PPARGC1B: variants seen among roughly 807,000 people sequenced by gnomAD.
PPARGC1B encodes the protein peroxisome proliferator-activated receptor gamma coactivator 1-beta.
In PPARGC1B, 34 loss-of-function variants were observed where a neutral mutation model predicts 101.6. The observed-to-expected ratio is 0.33, with a 90% CI of 0.25 to 0.45. PPARGC1B has a LOEUF of 0.45. PPARGC1B is among the 20% of genes least tolerant of loss of function. PPARGC1B has a pLI of 1.00. For synonymous variants in PPARGC1B, 548 were observed against 539.3 expected, an observed-to-expected ratio of 1.02 and a Z score of -0.22; for missense variants, 1,234 against 1,317.6, an observed-to-expected ratio of 0.94 and a Z score of 0.98.
rs1173394041 is a variant in PPARGC1B at position 149,854,049 on chromosome 5, C to G, written c.*6491C>G. 6.6e-5 allele frequency: 10 copies of G among 152,202 alleles called. No individual in the cohort carries two copies. The highest frequency in any genetic ancestry group is 2.2e-4 in the African/African-American group (9 of 41,452). 9.4% of individuals were successfully genotyped at this position (152,202 alleles called of 1,614,324 possible). A position where few individuals can be genotyped will look rare whatever the true frequency, so the allele number is the denominator to read the frequency against. ...TCTAAAGAAGGTGTCTGTAGCCAGC[C>G]TTAATCAACTGGGCAAGGTGGTCCC... On this transcript the variant is annotated 3_prime_UTR_variant, in exon 12 of 12. Transcript: ENST00000309241.
chr5:149,822,117 C>T (rs1026497156), intron 2 of PPARGC1B, among the ~76,000 whole-genome samples: 1 of 152,152 alleles, frequency 6.6e-6, no homozygotes, highest in African/African-American at 2.4e-5. Context: ...AATTCCTTTG[C>T]TATATTGTTC....
intron 4 of PPARGC1B, among the ~76,000 whole-genome samples, 156 bp downstream of exon 4, chr5:149,831,039 A>G (rs916172261): frequency 5.9e-5 from 9 of 152,046 alleles, no homozygotes; most frequent in African/African-American, 2.2e-4. Context: ...GCTTCTGGAG[A>G]TCCAGCCTAG....
Position 149,841,371 on chromosome 5 carries a change from CT to C in PPARGC1B, c.2695-883del, listed in dbSNP as rs1306603237. Among the ~76,000 whole-genome samples, 15 of 152,240 alleles carry C rather than the reference CT, an allele frequency of 9.9e-5. No homozygotes were observed. In the East Asian group the frequency reaches 2.7e-3, roughly 27 times the overall value. Reference sequence around the variant, plus strand: ...GAGGGGATTTCTCTGTTGAGCTGAGCTTGGACATCGTATGTTGTGGGATGTA... The same window carrying C: ...GAGGGGATTTCTCTGTTGAGCTGAGCTGGACATCGTATGTTGTGGGATGTA... On this transcript the variant is annotated intron_variant, in intron 9 of 11. Coordinates refer to ENST00000309241, the MANE Select transcript of PPARGC1B (RefSeq NM_133263.4).
intron 1 of PPARGC1B, among the ~76,000 whole-genome samples, chr5:149,753,275 C>T (rs1465594643): frequency 3.9e-5 from 6 of 152,062 alleles, no homozygotes; most frequent in Middle Eastern, 3.2e-3. Context: ...GGCGTGATCT[C>T]GGCTCACAGC....
At position 149,852,381 on chromosome 5, in the gene PPARGC1B, C is replaced by T. The variant is rs1759799402; in HGVS notation, c.*4823C>T. 6.6e-6 allele frequency: 1 copy of T among 152,172 alleles called. No homozygotes were observed. The highest frequency in any genetic ancestry group is 6.5e-5 in the Admixed American group (1 of 15,288). The allele number at this position is 152,172 out of a possible 1,614,324, so 9.4% of individuals were successfully genotyped here. On this transcript the variant is annotated 3_prime_UTR_variant, in exon 12 of 12. Coordinates refer to ENST00000309241, the MANE Select transcript of PPARGC1B (RefSeq NM_133263.4). ...TCCCCAACCAGGAGCATTGGGAATC[C>T]ATCACTCCTCCTTGAAACTGATTCC...
intron 1 of PPARGC1B, among the ~76,000 whole-genome samples, chr5:149,805,659 C>T (rs555544835): frequency 5.9e-4 from 90 of 152,256 alleles, no homozygotes; most frequent in African/African-American, 1.5e-3. Context: ...AGGCTGGTCT[C>T]GAACTCCTGA....
At chr5:149,783,316 A>G (rs770608352) in intron 1 of PPARGC1B, among the ~76,000 whole-genome samples, 10 of 152,334 alleles carry the variant, frequency 6.6e-5, no homozygotes, top group Non-Finnish European at 1.2e-4. Context: ...TATCAGAGTA[A>G]AGGGGATCAA....
intron 1 of PPARGC1B, among the ~76,000 whole-genome samples, chr5:149,742,872 A>AG (rs1191297075): frequency 1.3e-5 from 2 of 152,186 alleles, no homozygotes; most frequent in Non-Finnish European, 2.9e-5. Context: ...ATGGTGTAAC[A>AG]GGAGGCATCT....
rs1190005097 is a variant in PPARGC1B at position 149,832,642 on chromosome 5, C to T, written c.583-14C>T. The T allele has an allele frequency of 5.9e-6, 9 of 1,519,520 alleles. No homozygotes were observed. Among genetic ancestry groups the T allele is most frequent in the Admixed American group, 2.1e-5 (1 of 47,630 alleles). 94.1% of individuals were successfully genotyped at this position (1,519,520 alleles called of 1,614,324 possible). The stretch of plus-strand genomic sequence containing the variant: ...TGGGCCTCCTTCCTCACTCTGGCCT[C>T]TCTCCCTCTCTAGGCGGACAGCACC... On this transcript the variant is annotated splice_polypyrimidine_tract_variant and intron_variant, in intron 4 of 11. Transcript: ENST00000309241. The surrounding 1 kb of genome is among the most constrained non-coding windows in gnomAD (Gnocchi z 4.9).
intron 3 of PPARGC1B, among the ~76,000 whole-genome samples, chr5:149,830,034 AAAAAAAAAAAAAAAAAAAAAG>A (rs1758695149): frequency 3.9e-5 from 4 of 101,664 alleles, no homozygotes; most frequent in Admixed American, 3.1e-4. Context: ...GCATCTCAAA[AAAAAAAAAAAAAAAAAAAAAG>A]AAAAAAAAAA....
chr5:149,829,907 C>T (rs1001106793), intron 3 of PPARGC1B, among the ~76,000 whole-genome samples: 11 of 151,498 alleles, frequency 7.3e-5, no homozygotes, highest in African/African-American at 1.5e-4. Context: ...TGGTGGCAGA[C>T]GCCTGTAATC....
At chr5:149,822,828 G>A (rs1758358117) in intron 2 of PPARGC1B, among the ~76,000 whole-genome samples, 1 of 152,166 alleles carries the variant, frequency 6.6e-6, no homozygotes, top group Admixed American at 6.5e-5. Flanking sequence ...TGATTAAACT[G>A]ACCCATTCCA....
At chr5:149,831,503 A>G (rs1758782571) in intron 4 of PPARGC1B, among the ~76,000 whole-genome samples, 1 of 152,212 alleles carries the variant, frequency 6.6e-6, no homozygotes, top group South Asian at 2.1e-4. Flanking sequence ...ACAGCAGCTC[A>G]GTGTAGGAGC....
At chr5:149,761,579 G>A (rs1168910487) in intron 1 of PPARGC1B, 1 of 152,160 alleles carries the variant, frequency 6.6e-6, no homozygotes, top group Non-Finnish European at 1.5e-5. Flanking sequence ...CAACCTAAGT[G>A]TTTGTTGACA....
At chr5:149,784,891 C>A (rs1476047072) in intron 1 of PPARGC1B, among the ~76,000 whole-genome samples, 1 of 152,150 alleles carries the variant, frequency 6.6e-6, no homozygotes, top group Non-Finnish European at 1.5e-5. Flanking sequence ...TCTCTCAGTT[C>A]CTTCTTGGGT....
chr5:149,730,790 C>T lies in PPARGC1B; in HGVS notation c.78+370C>T, dbSNP rs1236678092. 1.3e-5 allele frequency among the ~76,000 whole-genome samples: 2 copies of T among 152,172 alleles called. No homozygotes were observed. The highest frequency in any genetic ancestry group is 2.9e-5 in the Non-Finnish European group (2 of 68,006). On this transcript the variant is annotated intron_variant, in intron 1 of 11. Transcript: ENST00000309241. The surrounding 1 kb of genome is among the most constrained non-coding windows in gnomAD (Gnocchi z 4.0). ...GGGTGCTGGAGGCGCGCCGTCAGCGCCCGGCACTTGCTGCCGTACTTTCAC... is the reference window on the plus strand; with the variant it reads ...GGGTGCTGGAGGCGCGCCGTCAGCGTCCGGCACTTGCTGCCGTACTTTCAC...
At chr5:149,811,658 G>A (rs1435165325) in intron 1 of PPARGC1B, among the ~76,000 whole-genome samples, 1 of 152,232 alleles carries the variant, frequency 6.6e-6, no homozygotes, top group Non-Finnish European at 1.5e-5. Context: ...GTCAAGTAGA[G>A]GCTGGTTAGG....
rs1758901771 is a variant in PPARGC1B at position 149,833,466 on chromosome 5, C to T, written c.1393C>T (p.Leu465=). Residue 465 remains leucine, a synonymous_variant, in exon 5 of 12, where the codon CTG becomes TTG. Transcript: ENST00000309241. This position sits in a 1 kb window ranked among gnomAD's most constrained non-coding sequence, Gnocchi z 4.1. ...RPGRGLPWTK[L]GRKLESSVCP... ...AGGCCGAGGCCTGCCATGGACGAAGCTGGGGAGGAAGCTGGAGAGCTCTGT... is the reference window on the plus strand; with the variant it reads ...AGGCCGAGGCCTGCCATGGACGAAGTTGGGGAGGAAGCTGGAGAGCTCTGT... 1 of 1,570,194 alleles carries T rather than the reference C, an allele frequency of 6.4e-7. No individual in the cohort carries two copies. The highest frequency in any genetic ancestry group is 1.4e-5 in the African/African-American group (1 of 73,766).
intron 10 of PPARGC1B, among the ~76,000 whole-genome samples, chr5:149,843,340 A>G (rs936287325): frequency 1.3e-5 from 2 of 152,186 alleles, no homozygotes; most frequent in Non-Finnish European, 2.9e-5. Context: ...CTCCTATTAT[A>G]TCGGCAAACT....
Sources: allele counts gnomAD v4.1 joint callset (sites outside exome capture counted in the v4.1 genomes callset), GRCh38; gene constraint gnomAD v4.1.1; non-coding constraint Gnocchi (gnomAD v3.1); transcripts MANE v1.5; gene names NCBI Gene and HGNC (gene_info 2026-07-23, HGNC 2026-07-21).